CNTNAP2: variants seen among roughly 807,000 people sequenced by gnomAD.
CNTNAP2 encodes the protein contactin associated protein 2.
A neutral mutation model predicts 155.2 loss-of-function variants in CNTNAP2; 98 were observed. The observed-to-expected ratio is 0.63, with a 90% CI of 0.54 to 0.75. The LOEUF (loss-of-function observed/expected upper bound fraction) is 0.75, where lower values mean the gene tolerates loss of function less well. CNTNAP2 is among the 30% of genes least tolerant of loss of function. CNTNAP2 has a pLI of 0.00. For missense variants in CNTNAP2, 1,727 were observed against 1,688.1 expected (o/e 1.02, Z -0.40); for synonymous variants, 651 against 631.2 (o/e 1.03, Z -0.47).
intron 2 of CNTNAP2, among the ~76,000 whole-genome samples, chr7:146,814,978 A>T (rs1354309091): frequency 6.6e-6 from 1 of 152,252 alleles, no homozygotes; most frequent in East Asian, 1.9e-4. Context: ...AATAGAAATA[A>T]TTTTCCTTTA....
At chr7:146,486,428 TAGG>T (rs1797060305) in intron 1 of CNTNAP2, among the ~76,000 whole-genome samples, 1 of 152,122 alleles carries the variant, frequency 6.6e-6, no homozygotes, top group South Asian at 2.1e-4. Context: ...ATAATCATGC[TAGG>T]GTTGTTTTAA....
intron 13 of CNTNAP2, among the ~76,000 whole-genome samples, chr7:147,761,249 G>A (rs887351997): frequency 4.6e-5 from 7 of 152,148 alleles, no homozygotes; most frequent in African/African-American, 1.2e-4. Flanking sequence ...TGAAACTGAC[G>A]TGAATTTTTT....
At chr7:148,078,067 G>GTT (rs1376628327) in intron 15 of CNTNAP2, among the ~76,000 whole-genome samples, 11 of 149,950 alleles carry the variant, frequency 7.3e-5, no homozygotes, top group Non-Finnish European at 1.5e-4. Flanking sequence ...CATAATCATT[G>GTT]TTTTGTTTTT....
chr7:147,750,770 G>A (rs773935308), intron 13 of CNTNAP2, among the ~76,000 whole-genome samples: 3 of 152,136 alleles, frequency 2.0e-5, no homozygotes, highest in Non-Finnish European at 2.9e-5. Flanking sequence ...TGGGTGCGGC[G>A]GCTCATGCCT....
chr7:146,574,860 A>G (rs1389171518), intron 1 of CNTNAP2, among the ~76,000 whole-genome samples: 2 of 152,170 alleles, frequency 1.3e-5, no homozygotes, highest in Admixed American at 6.5e-5. Context: ...ACTGATTGAC[A>G]CAATTGCTAG....
intron 3 of CNTNAP2, among the ~76,000 whole-genome samples, chr7:147,030,978 T>A (rs1799020964): frequency 6.6e-6 from 1 of 152,226 alleles, no homozygotes; most frequent in Non-Finnish European, 1.5e-5. Context: ...TTCTGTCAAA[T>A]TTTGGTAATA....
chr7:146,906,436 A>C (rs1796128729), intron 3 of CNTNAP2, among the ~76,000 whole-genome samples: 1 of 152,130 alleles, frequency 6.6e-6, no homozygotes, highest in Non-Finnish European at 1.5e-5. Context: ...TGGTTCTCCC[A>C]GCACGCAGCT....
intron 21 of CNTNAP2, among the ~76,000 whole-genome samples, chr7:148,371,266 G>A (rs931747998): frequency 2.6e-5 from 4 of 152,166 alleles, no homozygotes; most frequent in African/African-American, 9.7e-5. Flanking sequence ...GGGGAGAGGA[G>A]GCTACGTGCA....
intron 12 of CNTNAP2, among the ~76,000 whole-genome samples, chr7:147,575,701 A>G (rs1800385803): frequency 6.6e-6 from 1 of 151,988 alleles, no homozygotes; most frequent in East Asian, 1.9e-4. Flanking sequence ...GTTTCAAAAC[A>G]CGTATTTTAA....
At chr7:146,223,988 T>A (rs1799250357) in intron 1 of CNTNAP2, among the ~76,000 whole-genome samples, 1 of 152,208 alleles carries the variant, frequency 6.6e-6, no homozygotes, top group South Asian at 2.1e-4. Context: ...TCCGTTAGCA[T>A]CAGTTGCTGG....
At chr7:147,754,100 G>A (rs1797179715) in intron 13 of CNTNAP2, among the ~76,000 whole-genome samples, 1 of 152,060 alleles carries the variant, frequency 6.6e-6, no homozygotes, top group Admixed American at 6.5e-5. Context: ...AAAAGACCTA[G>A]AAGCCAGATT....
At chr7:147,157,824 A>C (rs893269026) in intron 8 of CNTNAP2, among the ~76,000 whole-genome samples, 1 of 152,120 alleles carries the variant, frequency 6.6e-6, no homozygotes, top group Non-Finnish European at 1.5e-5. Flanking sequence ...CCCAGATTCC[A>C]ATGTACCATA....
chr7:148,013,493 A>G (rs1450388505), intron 15 of CNTNAP2, among the ~76,000 whole-genome samples: 9 of 152,246 alleles, frequency 5.9e-5, no homozygotes. Flanking sequence ...AATACCCAGC[A>G]GAAGAAAAGA....
intron 1 of CNTNAP2, among the ~76,000 whole-genome samples, chr7:146,376,296 A>G (rs1053286451): frequency 2.0e-5 from 3 of 151,860 alleles, no homozygotes; most frequent in African/African-American, 7.3e-5. Flanking sequence ...CGAATTCCTT[A>G]CTCTCTTAGA....
chr7:146,314,768 A>G lies in CNTNAP2; in HGVS notation c.97+197795A>G, dbSNP rs73740431. 4.0e-3 allele frequency among the ~76,000 whole-genome samples: 615 copies of G among 152,246 alleles called. 4 individuals carry two copies. The highest frequency in any genetic ancestry group is 0.014 in the African/African-American group (588 of 41,532). On this transcript the variant is annotated intron_variant, in intron 1 of 23. Coordinates refer to ENST00000361727, the MANE Select transcript of CNTNAP2 (RefSeq NM_014141.6). ...TACTGCTGGGTCAAGCTGGGGAAGA[A>G]GGTGCAGAGAGTGCCCACAGTCCTG...
At position 147,688,148 on chromosome 7, in the gene CNTNAP2, T is replaced by C. The variant is rs555991219; in HGVS notation, c.2098+48842T>C. ...TCTCTCTCTCTTTAAATATTTTGCC[T>C]TTAAAAAATATATCTTCTTACCATT... is the stretch of plus-strand genomic sequence containing the variant. On this transcript the variant is annotated intron_variant, in intron 13 of 23. Coordinates refer to ENST00000361727, the MANE Select transcript of CNTNAP2 (RefSeq NM_014141.6). Among the ~76,000 whole-genome samples the C allele has an allele frequency of 1.6e-3, 238 of 152,234 alleles. 1 individual carries two copies. Among genetic ancestry groups the C allele is most frequent in the African/African-American group, 5.4e-3 (226 of 41,546 alleles).
intron 1 of CNTNAP2, among the ~76,000 whole-genome samples, chr7:146,429,578 T>C (rs1348170921): frequency 2.6e-5 from 4 of 152,180 alleles, no homozygotes; most frequent in Admixed American, 6.5e-5. Flanking sequence ...ATTGATTTTG[T>C]ATCCTGAGAC....
intron 13 of CNTNAP2, among the ~76,000 whole-genome samples, chr7:147,655,453 A>T (rs1795511816): frequency 6.6e-6 from 1 of 151,916 alleles, no homozygotes; most frequent in African/African-American, 2.4e-5. Flanking sequence ...TTGAAAGTCA[A>T]AATTACTCCT....
rs2116659710 is a variant in CNTNAP2, at chr7:148,383,822, T to C, written c.3649T>C (p.Ser1217Pro). 1 of 1,614,098 alleles carries C rather than the reference T, an allele frequency of 6.2e-7. No homozygotes were observed. Among genetic ancestry groups the C allele is most frequent in the Non-Finnish European group, 8.5e-7 (1 of 1,180,030 alleles). The change falls in exon 22 of 24, where the codon TCG (serine) becomes CCG (proline). Residue 1217 changes from serine to proline, a missense_variant. Transcript: ENST00000361727. ...GCTGGTGGAGTCCAACTGCGGGGCC[T>C]CGCCGCTGACCCTCTCCCCCATGTC... The part of the protein sequence containing the change: ...GELVESNCGA[S>P]PLTLSPMSSA...
Sources: gnomAD v4.1 joint callset for allele counts (sites outside exome capture counted in the v4.1 genomes callset) on GRCh38, gnomAD v4.1.1 for gene constraint, MANE v1.5 for transcripts, NCBI Gene and HGNC (gene_info 2026-07-23, HGNC 2026-07-21) for gene names.